Variants in ANKS1B observed in about 807,000 individuals in gnomAD.
ANKS1B encodes ankyrin repeat and sterile alpha motif domain-containing protein 1B.
ANKS1B carries 36 observed loss-of-function variants against 148.3 expected under a neutral mutation model. The observed-to-expected ratio is 0.24, with a 90% confidence interval of 0.19 to 0.32. The LOEUF (loss-of-function observed/expected upper bound fraction) is 0.32. ANKS1B is among the 10% of genes least tolerant of loss of function. The pLI, the probability that ANKS1B is intolerant of heterozygous loss-of-function variation, is 1.00. For missense variants in ANKS1B, 1,157 were observed against 1,542.6 expected (o/e 0.75, Z 4.19); for synonymous variants, 542 against 560.8 (o/e 0.97, Z 0.47).
intron 17 of ANKS1B, among the ~76,000 whole-genome samples, chr12:98,867,632 G>A (rs771802097): frequency 6.6e-6 from 1 of 152,006 alleles, no homozygotes; most frequent in South Asian, 2.1e-4. Context: ...AGGCTGAGGC[G>A]GGCAGATCAC....
At chr12:99,236,307 G>C (rs1795971974) in intron 14 of ANKS1B, among the ~76,000 whole-genome samples, 1 of 152,182 alleles carries the variant, frequency 6.6e-6, no homozygotes, top group Admixed American at 6.5e-5. Context: ...CTGCTGTAAA[G>C]ATACTACCTG....
At chr12:99,357,032 C>A (rs2092055206) in intron 12 of ANKS1B, among the ~76,000 whole-genome samples, 2 of 151,078 alleles carry the variant, frequency 1.3e-5, no homozygotes, top group African/African-American at 4.9e-5. Context: ...CAGTGACAAA[C>A]CTATCAAATG....
chr12:99,590,758 G>T (rs1418523800), intron 9 of ANKS1B, among the ~76,000 whole-genome samples: 1 of 152,162 alleles, frequency 6.6e-6, no homozygotes, highest in East Asian at 1.9e-4. Context: ...GACTCAAACA[G>T]TGGTTATTTC....
At chr12:98,790,048 A>C (rs2098833656) in intron 22 of ANKS1B, among the ~76,000 whole-genome samples, 1 of 152,216 alleles carries the variant, frequency 6.6e-6, no homozygotes, top group African/African-American at 2.4e-5. Flanking sequence ...TCTATTTTAG[A>C]AGTGAACAGT....
At chr12:98,926,525 G>A (rs566747308) in intron 17 of ANKS1B, among the ~76,000 whole-genome samples, 1 of 152,098 alleles carries the variant, frequency 6.6e-6, no homozygotes, top group South Asian at 2.1e-4. Flanking sequence ...CCCATACACA[G>A]GAAAAAAGGA....
At chr12:99,876,126 T>A (rs2092022342) in intron 1 of ANKS1B, among the ~76,000 whole-genome samples, 2 of 152,120 alleles carry the variant, frequency 1.3e-5, no homozygotes, top group Admixed American at 1.3e-4. Context: ...TAACTCTATA[T>A]CAAACATCCA....
chr12:99,722,715 T>C (rs1007644152), intron 8 of ANKS1B, among the ~76,000 whole-genome samples: 10 of 152,146 alleles, frequency 6.6e-5, no homozygotes, highest in African/African-American at 2.4e-4. Flanking sequence ...ATGTAAGAAA[T>C]ACAGGGTGGG....
chr12:99,289,119 G>C (rs2079552597), intron 12 of ANKS1B, among the ~76,000 whole-genome samples: 1 of 152,024 alleles, frequency 6.6e-6, no homozygotes, highest in South Asian at 2.1e-4. Context: ...AGGAGTAGCT[G>C]TGCTCATATG....
chr12:99,528,208 A>C (rs2153081406), intron 9 of ANKS1B, among the ~76,000 whole-genome samples: 1 of 152,272 alleles, frequency 6.6e-6, no homozygotes, highest in East Asian at 1.9e-4. Flanking sequence ...CTTACACCAT[A>C]TACAAAAAAT....
chr12:99,291,029 A>T (rs914892181), intron 12 of ANKS1B, among the ~76,000 whole-genome samples: 11 of 151,968 alleles, frequency 7.2e-5, no homozygotes, highest in African/African-American at 2.4e-4. Flanking sequence ...GAAAAACCCA[A>T]ACTAATTCAG....
chr12:98,790,302 T>C (rs139441769), intron 22 of ANKS1B, among the ~76,000 whole-genome samples: 312 of 152,324 alleles, frequency 2.0e-3, no homozygotes, highest in African/African-American at 7.2e-3. Flanking sequence ...TTTGGATTCC[T>C]GGCTTAGTTC....
At chr12:99,244,551 G>A (rs2089952750) in intron 13 of ANKS1B, 137 bp from the exon 14 acceptor site, 2 of 490,598 alleles carry the variant, frequency 4.1e-6, no homozygotes, top group African/African-American at 2.0e-5. Context: ...GATGCATAGC[G>A]AAATATTTAA....
rs1470553869 is a variant in ANKS1B, at chr12:99,085,119, C to A, written c.2527-96G>T. On this transcript the variant is annotated intron_variant, in intron 15 of 26. Coordinates refer to ENST00000683438, the MANE Select transcript of ANKS1B (RefSeq NM_001352186.2). ...TAATACAGAGAAAACCAGTGAGTGACCTGATTTTTATGAACAAAGACATAG... is the reference window on the plus strand; with the variant it reads ...TAATACAGAGAAAACCAGTGAGTGAACTGATTTTTATGAACAAAGACATAG... 2.7e-5 allele frequency: 26 copies of A among 961,730 alleles called. 1 individual carries two copies. The Middle Eastern group carries it at 2.9e-3, about 107-fold the overall frequency. The allele number at this position is 961,730 out of a possible 1,614,324, so 59.6% of individuals were successfully genotyped here.
intron 4 of ANKS1B, among the ~76,000 whole-genome samples, chr12:99,785,258 CGT>C (rs34228059): frequency 0.013 from 1,850 of 137,142 alleles, 38 homozygotes; most frequent in African/African-American, 0.046. Context: ...ATCAGTAGGT[CGT>C]GTGTGTGTGT....
chr12:99,920,315 A>C (rs1016832275), intron 1 of ANKS1B, among the ~76,000 whole-genome samples: 1 of 152,192 alleles, frequency 6.6e-6, no homozygotes, highest in Non-Finnish European at 1.5e-5. Flanking sequence ...GGTACTTTCT[A>C]ACACACTTTA....
chr12:99,148,851 T>C (rs887806115), intron 15 of ANKS1B, among the ~76,000 whole-genome samples: 6 of 152,170 alleles, frequency 3.9e-5, no homozygotes, highest in Non-Finnish European at 8.8e-5. Context: ...TTATTTTTTT[T>C]TCTTTCAAAA....
At chr12:98,947,743 G>A (rs984944202) in intron 17 of ANKS1B, among the ~76,000 whole-genome samples, 6 of 152,258 alleles carry the variant, frequency 3.9e-5, no homozygotes, top group African/African-American at 9.6e-5. Context: ...AGTGATGACC[G>A]TTCTGTCCTC....
rs534026054 is a variant in ANKS1B, at chr12:99,520,144, G to A, written c.1273-15503C>T. 7.2e-5 allele frequency among the ~76,000 whole-genome samples: 11 copies of A among 152,062 alleles called. No individual in the cohort carries two copies. The South Asian group carries it at 2.3e-3, about 32-fold the overall frequency. ...GCTATAATATTCTCTGTTTTTTTCT[G>A]TGTGCTTATTATTGCCAGTAACTTT... On this transcript the variant is annotated intron_variant, in intron 9 of 26. Transcript: ENST00000683438.
At chr12:99,825,234 G>A in intron 2 of ANKS1B, 75 bp downstream of exon 2, 3 of 1,248,308 alleles carry the variant, frequency 2.4e-6, no homozygotes, top group Non-Finnish European at 3.4e-6. Context: ...CATGAGAAAG[G>A]TATCGTCAAG....
Sources: allele counts gnomAD v4.1 joint callset (sites outside exome capture counted in the v4.1 genomes callset), GRCh38; gene constraint gnomAD v4.1.1; transcripts MANE v1.5; gene names NCBI Gene and HGNC (gene_info 2026-07-23, HGNC 2026-07-21).